Variants in RPS6KA5 observed in about 807,000 individuals in gnomAD.
RPS6KA5 encodes the protein ribosomal protein S6 kinase alpha-5.
Under a neutral mutation model 85.5 loss-of-function variants are expected in RPS6KA5, and 27 were observed. That is an observed-to-expected ratio of 0.32 (90% CI 0.23 to 0.44). The LOEUF (loss-of-function observed/expected upper bound fraction) is 0.44, where lower values mean the gene tolerates loss of function less well. RPS6KA5 is among the 20% of genes least tolerant of loss of function. RPS6KA5 has a pLI of 1.00. For missense variants in RPS6KA5, 811 were observed against 980.9 expected (o/e 0.83, Z 2.31); for synonymous variants, 334 against 348.2 (o/e 0.96, Z 0.46).
chr14:90,997,142 AGAC>A (rs906378593), intron 2 of RPS6KA5, among the ~76,000 whole-genome samples: 4 of 152,226 alleles, frequency 2.6e-5, no homozygotes, highest in Non-Finnish European at 4.4e-5. Flanking sequence ...TAAAAAAGGA[AGAC>A]GACCATTCAG....
At chr14:90,977,285 C>A (rs1186053231) in intron 3 of RPS6KA5, among the ~76,000 whole-genome samples, 1 of 152,168 alleles carries the variant, frequency 6.6e-6, no homozygotes, top group Non-Finnish European at 1.5e-5. Flanking sequence ...AAAACAAGCA[C>A]GGGACCAAAA....
intron 14 of RPS6KA5, among the ~76,000 whole-genome samples, chr14:90,887,795 T>TAA (rs34873992): frequency 1.4e-3 from 193 of 139,826 alleles, no homozygotes; most frequent in Middle Eastern, 3.6e-3. Context: ...CTTTTCTATT[T>TAA]AAAAAAAAAA....
chr14:91,001,262 T>C lies in RPS6KA5; in HGVS notation c.104-103A>G. The C allele has an allele frequency of 7.3e-6, 5 of 684,692 alleles. No homozygotes were observed. In the East Asian group the frequency reaches 1.3e-4, roughly 18 times the overall value. 42.4% of individuals were successfully genotyped at this position (684,692 alleles called of 1,614,324 possible). On this transcript the variant is annotated intron_variant, in intron 1 of 16. Transcript: ENST00000614987. ...GCGACGCTCTATTTCTTGACTTGAGTGATTAACCAGGGTTTGCTTTATAAT... is the reference window on the plus strand; with the variant it reads ...GCGACGCTCTATTTCTTGACTTGAGCGATTAACCAGGGTTTGCTTTATAAT...
rs1189379575 is a variant in RPS6KA5, at chr14:90,864,071, T to C, written c.*8003A>G. The C allele has an allele frequency of 6.6e-6, 1 of 152,236 alleles. No individual in the cohort carries two copies. The highest frequency in any genetic ancestry group is 2.4e-5 in the African/African-American group (1 of 41,464). The allele number at this position is 152,236 out of a possible 1,614,324, so 9.4% of individuals were successfully genotyped here. A position where few individuals can be genotyped will look rare whatever the true frequency, so the allele number is the denominator to read the frequency against. ...GGAAATACATAAACTTTGGCTACTATTTCACATCATATACAAATATCAGCA... is the reference window on the plus strand; with the variant it reads ...GGAAATACATAAACTTTGGCTACTACTTCACATCATATACAAATATCAGCA... On this transcript the variant is annotated 3_prime_UTR_variant, in exon 17 of 17. Coordinates refer to ENST00000614987, the MANE Select transcript of RPS6KA5 (RefSeq NM_004755.4).
intron 8 of RPS6KA5, among the ~76,000 whole-genome samples, chr14:90,904,827 C>T (rs886953738): frequency 6.6e-6 from 1 of 151,916 alleles, no homozygotes; most frequent in African/African-American, 2.4e-5. Flanking sequence ...CTATTCCAAG[C>T]TACTGAAAAG....
At chr14:90,991,319 T>C (rs1162379411) in intron 2 of RPS6KA5, among the ~76,000 whole-genome samples, 2 of 151,930 alleles carry the variant, frequency 1.3e-5, no homozygotes, top group Admixed American at 6.6e-5. Flanking sequence ...GTAAAATGAG[T>C]GATGGCACTT....
At chr14:90,983,786 T>TC (rs1491494181) in intron 2 of RPS6KA5, among the ~76,000 whole-genome samples, 34 of 125,154 alleles carry the variant, frequency 2.7e-4, no homozygotes, top group Admixed American at 7.8e-4. Context: ...TCTTTCTTTC[T>TC]TTCTCTCTCT....
chr14:90,870,783 T>TAACACACA lies in RPS6KA5; in HGVS notation c.*1283_*1290dup. ...CACATGATGGCTTTAAAAGAAAATA[T>TAACACACA]AACACACAAACCCTATCACTTCTTT... On this transcript the variant is annotated 3_prime_UTR_variant, in exon 17 of 17. Transcript: ENST00000614987. The TAACACACA allele has an allele frequency of 6.9e-6, 1 of 145,352 alleles. No individual in the cohort carries two copies. The highest frequency in any genetic ancestry group is 2.2e-4 in the South Asian group (1 of 4,534). The allele number at this position is 145,352 out of a possible 1,614,324, so 9.0% of individuals were successfully genotyped here. A position where few individuals can be genotyped will look rare whatever the true frequency, so the allele number is the denominator to read the frequency against.
At chr14:90,958,768 C>T (rs911339341) in intron 3 of RPS6KA5, among the ~76,000 whole-genome samples, 1 of 151,774 alleles carries the variant, frequency 6.6e-6, no homozygotes, top group Non-Finnish European at 1.5e-5. Flanking sequence ...AGTGAGGATC[C>T]TAGTGAAGCT....
At position 90,906,139 on chromosome 14, in the gene RPS6KA5, A is replaced by G; in HGVS notation, c.957+10T>C. 1.3e-6 allele frequency: 2 copies of G among 1,586,586 alleles called. No homozygotes were observed. The highest frequency in any genetic ancestry group is 1.7e-6 in the Non-Finnish European group (2 of 1,160,538). Reference sequence around the variant, plus strand: ...GAGTATGAAACCATTTATCTATTCAATAATTTCACCTGAAAGAAGAGATGT... The same window carrying G: ...GAGTATGAAACCATTTATCTATTCAGTAATTTCACCTGAAAGAAGAGATGT... On this transcript the variant is annotated intron_variant, in intron 8 of 16. Transcript: ENST00000614987.
chr14:90,946,910 A>ATC (rs1444246654), intron 4 of RPS6KA5, among the ~76,000 whole-genome samples: 1 of 152,200 alleles, frequency 6.6e-6, no homozygotes, highest in Non-Finnish European at 1.5e-5. Flanking sequence ...TTTTTTAGTA[A>ATC]GAGTTCATCC....
intron 8 of RPS6KA5, among the ~76,000 whole-genome samples, chr14:90,903,360 A>G (rs750237631): frequency 3.3e-5 from 5 of 152,246 alleles, no homozygotes; most frequent in Middle Eastern, 3.2e-3. Context: ...GGCTCTACAG[A>G]TGTGGATATT....
rs149364286 is a variant in RPS6KA5 at position 90,948,401 on chromosome 14, C to T, written c.395-851G>A. On this transcript the variant is annotated intron_variant, in intron 3 of 16. Coordinates refer to ENST00000614987, the MANE Select transcript of RPS6KA5 (RefSeq NM_004755.4). ...GCAAAAAAGCTTTAAATTGTAGTTA[C>T]ATCAGAAACACTGAGCCGGGCGCAG... is the stretch of plus-strand genomic sequence containing the variant. Among the ~76,000 whole-genome samples the T allele has an allele frequency of 8.5e-3, 1,300 of 152,204 alleles. 18 individuals are homozygous for T. The highest frequency in any genetic ancestry group is 0.029 in the African/African-American group (1,218 of 41,524).
chr14:91,027,053 T>G (rs893204946), intron 1 of RPS6KA5, among the ~76,000 whole-genome samples: 2 of 152,222 alleles, frequency 1.3e-5, no homozygotes, highest in African/African-American at 4.8e-5. Context: ...GTTGCGAATA[T>G]TTTCTCCCAT....
At chr14:90,943,422 G>A (rs2037695739) in intron 4 of RPS6KA5, among the ~76,000 whole-genome samples, 1 of 151,994 alleles carries the variant, frequency 6.6e-6, no homozygotes. Flanking sequence ...ACCTTGTTGG[G>A]TCAGCTTCTT....
intron 1 of RPS6KA5, among the ~76,000 whole-genome samples, chr14:91,054,393 T>C (rs912025141): frequency 2.0e-5 from 3 of 152,106 alleles, no homozygotes; most frequent in Non-Finnish European, 4.4e-5. Context: ...TCCCAACACT[T>C]TGGGAGGCTG....
At chr14:90,888,033 T>C (rs1353972804) in intron 14 of RPS6KA5, among the ~76,000 whole-genome samples, 1 of 151,910 alleles carries the variant, frequency 6.6e-6, no homozygotes, top group Non-Finnish European at 1.5e-5. Context: ...TTGTTTCTTA[T>C]GTGTCTTTTC....
intron 12 of RPS6KA5, among the ~76,000 whole-genome samples, chr14:90,896,096 T>G (rs12433410): frequency 0.21 from 31,532 of 152,188 alleles, 3,465 homozygotes; most frequent in East Asian, 0.34. Context: ...CTGAAAGCAT[T>G]AGACAAATTG....
At chr14:91,023,911 T>A (rs2041890799) in intron 1 of RPS6KA5, among the ~76,000 whole-genome samples, 1 of 152,254 alleles carries the variant, frequency 6.6e-6, no homozygotes, top group South Asian at 2.1e-4. Flanking sequence ...TGTATCATTA[T>A]CAATTTTCCC....
Sources: allele counts gnomAD v4.1 joint callset (sites outside exome capture counted in the v4.1 genomes callset), GRCh38; gene constraint gnomAD v4.1.1; transcripts MANE v1.5; gene names NCBI Gene and HGNC (gene_info 2026-07-23, HGNC 2026-07-21).